The following EDEM3 variants were observed in gnomAD, a reference collection of about 807,000 sequenced individuals.
EDEM3 encodes ER degradation enhancing alpha-mannosidase like protein 3.
EDEM3 carries 60 observed loss-of-function variants against 110.2 expected under a neutral mutation model. The observed-to-expected ratio is 0.54, with a 90% CI of 0.44 to 0.67. EDEM3 has a LOEUF of 0.67. EDEM3 is among the 30% of genes least tolerant of loss of function. The pLI, the probability that EDEM3 is intolerant of heterozygous loss-of-function variation, is 0.00. For synonymous variants in EDEM3, 352 were observed against 382.9 expected, an observed-to-expected ratio of 0.92 and a Z score of 0.94; for missense variants, 996 against 1,121.0, an observed-to-expected ratio of 0.89 and a Z score of 1.59.
intron 2 of EDEM3, among the ~76,000 whole-genome samples, 198 bp from the exon 3 acceptor site, chr1:184,737,909 A>C (rs944189937): frequency 6.6e-6 from 1 of 152,146 alleles, no homozygotes; most frequent in Non-Finnish European, 1.5e-5. Context: ...ATACCAAAAA[A>C]TTTCTTTAAA....
intron 2 of EDEM3, among the ~76,000 whole-genome samples, chr1:184,748,239 A>T (rs1231416990): frequency 6.6e-6 from 1 of 151,996 alleles, no homozygotes; most frequent in Admixed American, 6.6e-5. Flanking sequence ...TTGAAGTCAG[A>T]AGTTCGAGAC....
At chr1:184,716,782 C>G (rs1341566569) in intron 13 of EDEM3, 106 bp downstream of exon 13, 1 of 1,438,278 alleles carries the variant, frequency 7.0e-7, no homozygotes, top group African/African-American at 1.4e-5. Flanking sequence ...ACAAAGGTTT[C>G]TATCCTTTGT....
chr1:184,698,624 G>C (rs982365326), intron 19 of EDEM3, among the ~76,000 whole-genome samples: 2 of 151,846 alleles, frequency 1.3e-5, no homozygotes, highest in Non-Finnish European at 2.9e-5. Context: ...AAAGATGAGA[G>C]ATTATTTAAA....
At chr1:184,706,014 T>C (rs563926144) in intron 18 of EDEM3, among the ~76,000 whole-genome samples, 2 of 152,332 alleles carry the variant, frequency 1.3e-5, no homozygotes, top group South Asian at 2.1e-4. Flanking sequence ...TAAACCCTGT[T>C]ATAGTAGCAC....
intron 17 of EDEM3, among the ~76,000 whole-genome samples, chr1:184,707,282 G>A (rs763000590): frequency 1.3e-5 from 2 of 152,160 alleles, no homozygotes; most frequent in Non-Finnish European, 1.5e-5. Context: ...TAGTCTATAT[G>A]AATCTGCAAG....
chr1:184,740,898 AC>A (rs923006104), intron 2 of EDEM3, among the ~76,000 whole-genome samples: 5 of 152,224 alleles, frequency 3.3e-5, no homozygotes, highest in African/African-American at 1.2e-4. Flanking sequence ...CCACAAAAAA[AC>A]TTCCCATTAA....
At chr1:184,706,946 ATAAAATATTGTTT>A in intron 17 of EDEM3, 138 bp from the exon 18 acceptor site, 1 of 892,334 alleles carries the variant, frequency 1.1e-6, no homozygotes. Context: ...TATAGTCACC[ATAAAATATTGTTT>A]TAAACATTTT....
At chr1:184,725,164 C>T (rs778824193) in intron 7 of EDEM3, among the ~76,000 whole-genome samples, 1 of 152,064 alleles carries the variant, frequency 6.6e-6, no homozygotes, top group Non-Finnish European at 1.5e-5. Flanking sequence ...CAAATTACTG[C>T]GTATTCAAGA....
chr1:184,712,579 C>A lies in EDEM3; in HGVS notation c.1390G>T (p.Ala464Ser), dbSNP rs2102074478. The A allele has an allele frequency of 6.5e-7, 1 of 1,539,378 alleles. No individual in the cohort carries two copies. Among genetic ancestry groups the A allele is most frequent in the African/African-American group, 1.4e-5 (1 of 71,408 alleles). ...HEDRMDSFFL[A>S]EMFKYLYLLF... ...AGGTAAAGATATTTAAACATTTCAGCCAAGAAGAAAGAATCCATTCTAAAA... is the reference window on the plus strand; with the variant it reads ...AGGTAAAGATATTTAAACATTTCAGACAAGAAGAAAGAATCCATTCTAAAA... Residue 464 changes from alanine (A) to serine (S), a missense_variant, in exon 14 of 20, where the codon GCT becomes TCT. Transcript: ENST00000318130.
At position 184,719,544 on chromosome 1, in the gene EDEM3, T is replaced by C. The variant is rs1650758913; in HGVS notation, c.976A>G (p.Ile326Val). Residue 326 changes from isoleucine (I) to valine (V), a missense_variant, in exon 10 of 20, where the codon ATT becomes GTT. Physicochemically the swap from Ile to Val is conservative, Grantham distance 29. Around this residue, in one of 5 missense-constraint regions of EDEM3, gnomAD observed 310 missense variants for 394.6 expected, o/e 0.79. Transcript: ENST00000318130. The part of the protein sequence containing the change: ...NTHYDAIMRY[I>V]SQPPLLLDVH... The stretch of plus-strand genomic sequence containing the variant: ...TCAAGTAGAAGAGGTGGCTGGCTAA[T>C]ATACCTCATTATGGCATCATAGTGC... 13 of 1,613,938 alleles carry C rather than the reference T, an allele frequency of 8.1e-6. No individual in the cohort carries two copies. The highest frequency in any genetic ancestry group is 1.1e-5 in the Non-Finnish European group (13 of 1,179,972).
At chr1:184,726,202 A>G (rs1383692797) in intron 7 of EDEM3, 53 bp downstream of exon 7, 1 of 1,582,276 alleles carries the variant, frequency 6.3e-7, no homozygotes, top group Non-Finnish European at 8.6e-7. Flanking sequence ...TGAAGAAGAT[A>G]TAAAGGTAGT....
At chr1:184,741,083 A>G (rs1443825924) in intron 2 of EDEM3, among the ~76,000 whole-genome samples, 1 of 152,178 alleles carries the variant, frequency 6.6e-6, no homozygotes, top group Non-Finnish European at 1.5e-5. Flanking sequence ...ACTACTCTTA[A>G]TGAGTCTTTT....
chr1:184,708,173 C>A lies in EDEM3; in HGVS notation c.2017G>T (p.Asp673Tyr), dbSNP rs778574973. The change falls in exon 17 of 20, where the codon GAT becomes TAT. Residue 673 changes from aspartate (D) to tyrosine (Y), a missense_variant. Asp to Tyr is a radical substitution (Grantham distance 160). Transcript: ENST00000318130. Reference sequence around the variant, plus strand: ...CATACCTCTTTATGTTTAGACAGATCCAGCCCAAACTGAGCTGGTCCAGCA... The same window carrying A: ...CATACCTCTTTATGTTTAGACAGATACAGCCCAAACTGAGCTGGTCCAGCA... The part of the protein sequence containing the change: ...LTAGPAQFGL[D>Y]LSKHKETRGF... 21 of 1,612,932 alleles carry A rather than the reference C, an allele frequency of 1.3e-5. No individual in the cohort carries two copies. Among genetic ancestry groups the A allele is most frequent in the Non-Finnish European group, 2.5e-6 (3 of 1,179,610 alleles).
chr1:184,740,361 T>C (rs1402345669), intron 2 of EDEM3, among the ~76,000 whole-genome samples: 4 of 152,216 alleles, frequency 2.6e-5, no homozygotes, highest in African/African-American at 9.7e-5. Context: ...TTTCAATTAC[T>C]ACAAATTTGT....
chr1:184,708,403 G>C, intron 16 of EDEM3, 59 bp from the exon 17 acceptor site: 1 of 1,583,624 alleles, frequency 6.3e-7, no homozygotes, highest in Admixed American at 1.8e-5. Context: ...CCAATTTTTT[G>C]ATTTCCTAAA....
At chr1:184,694,693 C>T (rs1462261860) in intron 19 of EDEM3, among the ~76,000 whole-genome samples, 1 of 151,962 alleles carries the variant, frequency 6.6e-6, no homozygotes, top group Non-Finnish European at 1.5e-5. Context: ...AGAAAATAAA[C>T]GTTCTTCCAA....
intron 1 of EDEM3, among the ~76,000 whole-genome samples, chr1:184,751,152 G>A (rs1157824252): frequency 7.0e-6 from 1 of 142,608 alleles, no homozygotes; most frequent in Non-Finnish European, 1.6e-5. Flanking sequence ...TTCTTTGTAA[G>A]TTTACATATA....
chr1:184,732,746 T>C (rs1340531360), intron 6 of EDEM3, 91 bp downstream of exon 6: 3 of 1,287,570 alleles, frequency 2.3e-6, no homozygotes, highest in Middle Eastern at 2.1e-4. Context: ...AGCCTCAAGC[T>C]GGTGAAGAAC....
rs1649038979 is a variant in EDEM3, at chr1:184,690,980, A to G, written c.*3083T>C. ...GAACAAATGTTGGCTTTACTATAAAAAAGGTTGTGTGATGGTAATTTAAAT... is the reference window on the plus strand; with the variant it reads ...GAACAAATGTTGGCTTTACTATAAAGAAGGTTGTGTGATGGTAATTTAAAT... On this transcript the variant is annotated 3_prime_UTR_variant, in exon 20 of 20. Coordinates refer to ENST00000318130, the MANE Select transcript of EDEM3 (RefSeq NM_025191.4). 1 of 152,452 alleles carries G rather than the reference A, an allele frequency of 6.6e-6. No individual in the cohort carries two copies. Among genetic ancestry groups the G allele is most frequent in the Admixed American group, 6.6e-5 (1 of 15,262 alleles). The allele number at this position is 152,452 out of a possible 1,614,324, so 9.4% of individuals were successfully genotyped here.
Sources: allele counts gnomAD v4.1 joint callset (sites outside exome capture counted in the v4.1 genomes callset), GRCh38; gene constraint gnomAD v4.1.1; regional missense constraint gnomAD v4.1.1; transcripts MANE v1.5; gene names NCBI Gene and HGNC (gene_info 2026-07-23, HGNC 2026-07-21).